SAMMSON: variants seen among roughly 807,000 people sequenced by gnomAD.
The protein encoded by SAMMSON is survival associated mitochondrial melanoma specific oncogenic non-coding RNA.
intron 2 of SAMMSON, among the ~76,000 whole-genome samples, chr3:70,395,348 T>TTTTG (rs545231969): frequency 4.6e-4 from 69 of 149,844 alleles, no homozygotes; most frequent in African/African-American, 1.6e-3. Flanking sequence ...TTTTTTTTTT[T>TTTTG]TGTGTTGTTG....
At chr3:70,266,196 T>G (rs1007933382) in intron 6 of SAMMSON, among the ~76,000 whole-genome samples, 1 of 152,212 alleles carries the variant, frequency 6.6e-6, no homozygotes, top group Non-Finnish European at 1.5e-5. Flanking sequence ...CATTTATGTT[T>G]TTTTATTGAA....
At chr3:70,332,226 C>T (rs977108021) in intron 7 of SAMMSON, among the ~76,000 whole-genome samples, 1 of 152,178 alleles carries the variant, frequency 6.6e-6, no homozygotes, top group African/African-American at 2.4e-5. Flanking sequence ...AGGACTATTA[C>T]CAGAAGCTCA....
intron 4 of SAMMSON, among the ~76,000 whole-genome samples, chr3:70,210,271 A>G (rs767398095): frequency 1.3e-5 from 2 of 152,162 alleles, no homozygotes; most frequent in Admixed American, 6.5e-5. Flanking sequence ...TACTGAGAGA[A>G]TTTTATGGAG....
intron 7 of SAMMSON, among the ~76,000 whole-genome samples, chr3:70,294,778 A>G (rs1702274221): frequency 6.6e-6 from 1 of 152,132 alleles, no homozygotes; most frequent in African/African-American, 2.4e-5. Context: ...TTTAGGTTAG[A>G]TGTGTGGCTT....
chr3:70,355,898 C>T (rs1575632538), intron 8 of SAMMSON, among the ~76,000 whole-genome samples: 1 of 152,056 alleles, frequency 6.6e-6, no homozygotes, highest in African/African-American at 2.4e-5. Context: ...TTTCTTATCA[C>T]ATTTTATTTA....
chr3:70,161,405 C>T (rs1462608428), intron 4 of SAMMSON, among the ~76,000 whole-genome samples: 6 of 152,008 alleles, frequency 3.9e-5, no homozygotes, highest in Admixed American at 6.6e-5. Context: ...TTTTTGAATG[C>T]GTTTTCAGTA....
intron 7 of SAMMSON, among the ~76,000 whole-genome samples, chr3:70,303,828 T>C (rs899468456): frequency 4.6e-5 from 7 of 152,066 alleles, no homozygotes; most frequent in African/African-American, 1.7e-4. Context: ...ATTACAGGCA[T>C]GTGCCACCAT....
intron 4 of SAMMSON, among the ~76,000 whole-genome samples, chr3:70,099,554 T>G (rs2067335005): frequency 6.6e-6 from 1 of 152,220 alleles, no homozygotes; most frequent in Non-Finnish European, 1.5e-5. Flanking sequence ...TGGATGGTCT[T>G]TTTATTGATT....
At position 70,271,240 on chromosome 3, in the gene SAMMSON, G is replaced by A. The variant is rs116240286; in HGVS notation, n.675-19939G>A. Among the ~76,000 whole-genome samples the A allele has an allele frequency of 4.1e-3, 630 of 152,016 alleles. 3 individuals are homozygous for A. The highest frequency in any genetic ancestry group is 0.014 in the African/African-American group (591 of 41,454). The stretch of plus-strand genomic sequence containing the variant: ...TTATCATTGATCTACCTTAGGGTTC[G>A]CAAACTCAAGATGACCAGGACTAGG... On this transcript the variant is annotated intron_variant and non_coding_transcript_variant, in intron 6 of 9. Coordinates refer to ENST00000642114, the Ensembl canonical transcript of SAMMSON.
chr3:70,384,580 A>G (rs1404581887), intron 9 of SAMMSON, among the ~76,000 whole-genome samples: 1 of 152,038 alleles, frequency 6.6e-6, no homozygotes, highest in Non-Finnish European at 1.5e-5. Context: ...AAATTATTGT[A>G]AATCCATTTC....
chr3:70,272,229 A>G (rs985926061), intron 6 of SAMMSON: 1 of 152,226 alleles, frequency 6.6e-6, no homozygotes, highest in Non-Finnish European at 1.5e-5. Context: ...CATCACAATT[A>G]AAATGAAAAA....
At chr3:70,119,269 G>T (rs2067423505) in intron 4 of SAMMSON, among the ~76,000 whole-genome samples, 1 of 152,042 alleles carries the variant, frequency 6.6e-6, no homozygotes, top group South Asian at 2.1e-4. Flanking sequence ...GTTTCACCAT[G>T]CTAGCCAGGC....
chr3:70,069,808 A>G (rs1397297721), intron 3 of SAMMSON: 3 of 152,142 alleles, frequency 2.0e-5, no homozygotes, highest in Non-Finnish European at 4.4e-5. Context: ...AGCAATTTGA[A>G]TATAGGCTCT....
intron 3 of SAMMSON, among the ~76,000 whole-genome samples, chr3:70,021,965 G>A (rs1352898825): frequency 6.6e-6 from 1 of 152,066 alleles, no homozygotes; most frequent in Non-Finnish European, 1.5e-5. Flanking sequence ...TCAAGGGGAA[G>A]AAAGACTTTG....
intron 2 of SAMMSON, among the ~76,000 whole-genome samples, chr3:70,012,876 G>A (rs1444532158): frequency 1.3e-5 from 2 of 152,080 alleles, no homozygotes; most frequent in African/African-American, 2.4e-5. Flanking sequence ...GATGGTATAA[G>A]GGTCTTGGGG....
chr3:70,375,454 G>T (rs1703006348), intron 9 of SAMMSON, among the ~76,000 whole-genome samples: 1 of 146,436 alleles, frequency 6.8e-6, no homozygotes, highest in African/African-American at 2.5e-5. Flanking sequence ...TATCGATGCT[G>T]TTCTAGACCC....
chr3:70,237,977 A>ATATTTTTTTTTTTT (rs1251005797), intron 4 of SAMMSON, among the ~76,000 whole-genome samples: 1 of 13,008 alleles, frequency 7.7e-5, no homozygotes, highest in Non-Finnish European at 1.4e-4. Context: ...ATTGAGTGGT[A>ATATTTTTTTTTTTT]TCTTTTTTTT....
At chr3:70,008,560 G>C (rs1284241934) in intron 1 of SAMMSON, among the ~76,000 whole-genome samples, 1 of 152,130 alleles carries the variant, frequency 6.6e-6, no homozygotes, top group Non-Finnish European at 1.5e-5. Flanking sequence ...GGGTTTTCTA[G>C]ATATACAGTC....
At chr3:70,020,970 G>C (rs2067010961) in intron 3 of SAMMSON, among the ~76,000 whole-genome samples, 1 of 152,192 alleles carries the variant, frequency 6.6e-6, no homozygotes, top group Non-Finnish European at 1.5e-5. Flanking sequence ...GTTGGTAATG[G>C]TGAATGAAAT....
Sources: allele counts gnomAD v4.1 joint callset (sites outside exome capture counted in the v4.1 genomes callset), GRCh38; gene constraint gnomAD v4.1.1; transcripts MANE v1.5; gene names NCBI Gene and HGNC (gene_info 2026-07-23, HGNC 2026-07-21).